The following ROBO1 variants were observed in gnomAD, a reference collection of about 807,000 sequenced individuals.
ROBO1 encodes the protein roundabout guidance receptor 1.
Under a neutral mutation model 195.9 loss-of-function variants are expected in ROBO1, and 149 were observed. The observed-to-expected ratio is 0.76, with a 90% confidence interval of 0.67 to 0.87. The LOEUF (loss-of-function observed/expected upper bound fraction) is 0.87, where lower values mean the gene tolerates loss of function less well. ROBO1 is among the 40% of genes least tolerant of loss of function. The pLI is 0.00. For missense variants in ROBO1, 1,933 were observed against 2,068.3 expected, an observed-to-expected ratio of 0.93 and a Z score of 1.27; for synonymous variants, 816 against 733.2, an observed-to-expected ratio of 1.11 and a Z score of -1.82.
At chr3:78,985,303 AAATAAT>A (rs1273710744) in intron 3 of ROBO1, among the ~76,000 whole-genome samples, 1 of 152,138 alleles carries the variant, frequency 6.6e-6, no homozygotes, top group African/African-American at 2.4e-5. Flanking sequence ...CTGTCTCAAA[AAATAAT>A]AATAATATTT....
intron 3 of ROBO1, among the ~76,000 whole-genome samples, chr3:79,083,153 GC>G (rs1401250025): frequency 6.6e-6 from 1 of 152,056 alleles, no homozygotes; most frequent in Non-Finnish European, 1.5e-5. Context: ...CTGAGACCAT[GC>G]CGCTGCACTT....
chr3:79,363,252 CTG>C (rs1385471426), intron 2 of ROBO1, among the ~76,000 whole-genome samples: 2 of 152,148 alleles, frequency 1.3e-5, no homozygotes, highest in Non-Finnish European at 2.9e-5. Context: ...ACAGAAACAG[CTG>C]TGATTTCTTT....
intron 2 of ROBO1, among the ~76,000 whole-genome samples, chr3:79,352,241 C>A (rs1350330755): frequency 6.6e-6 from 1 of 152,122 alleles, no homozygotes; most frequent in East Asian, 1.9e-4. Context: ...AATGTCTTGG[C>A]AAATATATTT....
intron 1 of ROBO1, among the ~76,000 whole-genome samples, chr3:79,594,263 A>T (rs1484163848): frequency 6.6e-6 from 1 of 152,040 alleles, no homozygotes; most frequent in African/African-American, 2.4e-5. Context: ...ATATAACTGT[A>T]TTTGTATGTT....
chr3:79,194,404 G>T (rs572443396), intron 2 of ROBO1, among the ~76,000 whole-genome samples: 2 of 151,672 alleles, frequency 1.3e-5, no homozygotes, highest in South Asian at 4.1e-4. Flanking sequence ...ATTGTGATTA[G>T]GTCACAATAG....
chr3:78,722,187 T>C (rs2082060565), intron 5 of ROBO1, among the ~76,000 whole-genome samples: 1 of 152,180 alleles, frequency 6.6e-6, no homozygotes, highest in African/African-American at 2.4e-5. Context: ...GTATTGAATA[T>C]AGATAGAAAA....
chr3:79,042,375 G>A (rs760757056), intron 3 of ROBO1, among the ~76,000 whole-genome samples: 6 of 152,052 alleles, frequency 3.9e-5, no homozygotes, highest in Non-Finnish European at 8.8e-5. Flanking sequence ...TGAGATAAGA[G>A]AAGAAGCTGA....
intron 3 of ROBO1, among the ~76,000 whole-genome samples, chr3:79,040,862 C>T (rs1576601504): frequency 6.6e-6 from 1 of 151,982 alleles, no homozygotes; most frequent in East Asian, 1.9e-4. Flanking sequence ...GTCATAACTG[C>T]TTACGAAAAA....
chr3:79,357,482 T>C (rs2035603602), intron 2 of ROBO1, among the ~76,000 whole-genome samples: 2 of 152,164 alleles, frequency 1.3e-5, no homozygotes, highest in South Asian at 4.1e-4. Flanking sequence ...AAGGAGGTCA[T>C]GGTTTATATA....
At chr3:79,022,735 G>C (rs952018581) in intron 3 of ROBO1, among the ~76,000 whole-genome samples, 1 of 152,152 alleles carries the variant, frequency 6.6e-6, no homozygotes, top group Non-Finnish European at 1.5e-5. Flanking sequence ...TGAATGAATC[G>C]TGGGTTCTAA....
At chr3:79,664,049 G>C (rs1344728325) in intron 1 of ROBO1, among the ~76,000 whole-genome samples, 1 of 152,002 alleles carries the variant, frequency 6.6e-6, no homozygotes, top group Non-Finnish European at 1.5e-5. Context: ...TGTGTCTACA[G>C]TAAGTTCAAT....
rs762544001 is a variant in ROBO1, at chr3:78,606,813, T to C, written c.4664A>G (p.Glu1555Gly). ...TNPGDPREAQ[E>G]QQNDGKGRGN... is the part of the protein sequence containing the mutation. ...ACGTCCTTTCCCGTCATTTTGCTGT[T>C]CCTGTGCTTCTCTGGGATCACCTGG... Residue 1555 changes from glutamate to glycine, a missense_variant, in exon 29 of 31, where the codon GAA becomes GGA. This residue lies in a region of ROBO1 where 1,737 missense variants were observed against 1,882.5 expected (regional missense o/e 0.92). Transcript: ENST00000464233. 17 of 1,613,860 alleles carry C rather than the reference T, an allele frequency of 1.1e-5. No individual in the cohort carries two copies. Among genetic ancestry groups the C allele is most frequent in the Non-Finnish European group, 1.4e-5 (17 of 1,179,900 alleles).
At chr3:79,359,725 G>A (rs532697587) in intron 2 of ROBO1, among the ~76,000 whole-genome samples, 10 of 151,596 alleles carry the variant, frequency 6.6e-5, no homozygotes, top group Non-Finnish European at 1.0e-4. Context: ...AACACTTCTC[G>A]GATTATAAAA....
At chr3:79,664,437 A>G (rs1946417555) in intron 1 of ROBO1, among the ~76,000 whole-genome samples, 2 of 152,092 alleles carry the variant, frequency 1.3e-5, no homozygotes, top group African/African-American at 4.8e-5. Flanking sequence ...CATACAGTCT[A>G]CATAAGCTAT....
At chr3:79,658,874 T>A (rs1946247284) in intron 1 of ROBO1, among the ~76,000 whole-genome samples, 1 of 151,772 alleles carries the variant, frequency 6.6e-6, no homozygotes, top group South Asian at 2.1e-4. Context: ...GTAGCTGAGA[T>A]TACAGTCATG....
chr3:78,967,414 T>C (rs2076671566), intron 3 of ROBO1, among the ~76,000 whole-genome samples: 1 of 147,576 alleles, frequency 6.8e-6, no homozygotes, highest in Non-Finnish European at 1.5e-5. Context: ...GCCTAGTTCC[T>C]GTAACTAAAA....
chr3:79,019,483 CCCG>C (rs2078051464), intron 3 of ROBO1: 1 of 986,182 alleles, frequency 1.0e-6, no homozygotes, highest in Admixed American at 6.1e-5. Flanking sequence ...CCCCACAGTC[CCCG>C]CGGCTCCCAG....
chr3:79,127,462 T>G (rs2080237819), intron 2 of ROBO1, among the ~76,000 whole-genome samples: 2 of 152,240 alleles, frequency 1.3e-5, no homozygotes, highest in African/African-American at 4.8e-5. Flanking sequence ...ATGAATTATT[T>G]TTTAGTAACA....
chr3:78,979,498 T>C (rs563332092), intron 3 of ROBO1, among the ~76,000 whole-genome samples: 2 of 152,332 alleles, frequency 1.3e-5, no homozygotes, highest in East Asian at 1.9e-4. Flanking sequence ...CTCAGCAATG[T>C]AGATAAAATT....
Sources: allele counts gnomAD v4.1 joint callset (sites outside exome capture counted in the v4.1 genomes callset), GRCh38; gene constraint gnomAD v4.1.1; regional missense constraint gnomAD v4.1.1; transcripts MANE v1.5; gene names NCBI Gene and HGNC (gene_info 2026-07-23, HGNC 2026-07-21).